DLC1: variants seen among roughly 807,000 people sequenced by gnomAD.
DLC1 encodes the protein rho GTPase-activating protein 7.
Under a neutral mutation model 140.3 loss-of-function variants are expected in DLC1, and 54 were observed. The ratio of observed to expected loss-of-function variants is 0.38; its 90% confidence interval spans 0.31 to 0.48. DLC1 has a LOEUF of 0.48. Ranked by LOEUF, DLC1 falls within the 20% of genes least tolerant of loss-of-function variation. DLC1 has a pLI of 0.96. For missense variants in DLC1, 2,536 were observed against 1,907.0 expected (o/e 1.33, Z -6.14); for synonymous variants, 986 against 728.1 (o/e 1.35, Z -5.70).
At chr8:13,195,444 G>A (rs541048875) in intron 5 of DLC1, among the ~76,000 whole-genome samples, 5 of 152,318 alleles carry the variant, frequency 3.3e-5, no homozygotes, top group African/African-American at 1.2e-4. Flanking sequence ...GAATGATCAA[G>A]TGGAAGCGAG....
chr8:13,215,496 G>C (rs111558493), intron 5 of DLC1, among the ~76,000 whole-genome samples: 12,505 of 152,206 alleles, frequency 0.082, 708 homozygotes, highest in South Asian at 0.16. Flanking sequence ...TGAGGCAGCA[G>C]GATCACTTGA....
intron 4 of DLC1, among the ~76,000 whole-genome samples, chr8:13,368,890 C>T (rs1835609654): frequency 6.6e-6 from 1 of 152,150 alleles, no homozygotes; most frequent in African/African-American, 2.4e-5. Flanking sequence ...GCGGTGTGAT[C>T]TTGGCTCACT....
intron 5 of DLC1, among the ~76,000 whole-genome samples, chr8:13,201,643 C>T (rs1429808134): frequency 6.6e-6 from 1 of 152,020 alleles, no homozygotes. Flanking sequence ...CAATTTGTGT[C>T]ACTGAGATTT....
intron 5 of DLC1, among the ~76,000 whole-genome samples, chr8:13,226,419 T>G (rs997219931): frequency 3.9e-5 from 6 of 152,232 alleles, no homozygotes; most frequent in Non-Finnish European, 2.9e-5. Context: ...ATCTATCCTA[T>G]TGCTTCATTT....
At chr8:13,115,429 G>C (rs1258616896) in intron 6 of DLC1, among the ~76,000 whole-genome samples, 157 bp downstream of exon 6, 3 of 151,798 alleles carry the variant, frequency 2.0e-5, no homozygotes, top group Non-Finnish European at 2.9e-5. Context: ...GCTAGCTTTT[G>C]TTTTCAGCGG....
rs1817312460 is a variant in DLC1, at chr8:13,083,540, GA to G, written c.*2270del. 1 of 152,406 alleles carries G rather than the reference GA, an allele frequency of 6.6e-6. No homozygotes were observed. The highest frequency in any genetic ancestry group is 1.5e-5 in the Non-Finnish European group (1 of 68,048). The allele number at this position is 152,406 out of a possible 1,614,324, so 9.4% of individuals were successfully genotyped here. ...TCTAAGTGACCTCAGCAGAGTTCTT[GA>G]AAATGTTCATATCCTTCAAATTCTT... On this transcript the variant is annotated 3_prime_UTR_variant, in exon 18 of 18. Coordinates refer to ENST00000276297, the MANE Select transcript of DLC1 (RefSeq NM_182643.3).
At chr8:13,198,454 T>G (rs544222726) in intron 5 of DLC1, among the ~76,000 whole-genome samples, 1 of 152,316 alleles carries the variant, frequency 6.6e-6, no homozygotes, top group African/African-American at 2.4e-5. Context: ...TTTTCCCGAG[T>G]GAAAGAATGT....
At chr8:13,272,665 T>C (rs924177978) in intron 5 of DLC1, among the ~76,000 whole-genome samples, 15 of 151,638 alleles carry the variant, frequency 9.9e-5, no homozygotes, top group African/African-American at 3.4e-4. Flanking sequence ...ATCGAGACCA[T>C]CCTGGCTAAC....
chr8:13,520,018 G>A (rs1055189493), intron 1 of DLC1, among the ~76,000 whole-genome samples: 49 of 152,316 alleles, frequency 3.2e-4, no homozygotes, highest in Admixed American at 2.4e-3. Context: ...CTTTTACACC[G>A]TTGGTGGGAG....
chr8:13,162,014 T>C (rs868236918), intron 5 of DLC1, among the ~76,000 whole-genome samples: 2 of 152,218 alleles, frequency 1.3e-5, no homozygotes, highest in Non-Finnish European at 2.9e-5. Flanking sequence ...GTTTGGTATA[T>C]TTCAATCAAC....
At chr8:13,519,721 G>T (rs2117281068), upstream of DLC1, among the ~76,000 whole-genome samples, 1 of 152,048 alleles carries the variant, frequency 6.6e-6, no homozygotes, top group East Asian at 1.9e-4. Context: ...CCACTTCACT[G>T]AAAATTATTA....
At chr8:13,316,803 A>G (rs1172229230) in intron 4 of DLC1, among the ~76,000 whole-genome samples, 1 of 152,078 alleles carries the variant, frequency 6.6e-6, no homozygotes, top group Non-Finnish European at 1.5e-5. Flanking sequence ...CTAACCCCCA[A>G]CTGACTGCAG....
chr8:13,504,220 G>T (rs984064575), intron 1 of DLC1, among the ~76,000 whole-genome samples: 3 of 150,138 alleles, frequency 2.0e-5, no homozygotes, highest in African/African-American at 7.4e-5. Flanking sequence ...TCTGCCTCCT[G>T]GGTTCAAGTG....
intron 1 of DLC1, among the ~76,000 whole-genome samples, chr8:13,524,111 AT>A (rs1802844393): frequency 1.3e-4 from 1 of 7,958 alleles, no homozygotes; most frequent in Non-Finnish European, 2.7e-4. Flanking sequence ...TATTCTATTT[AT>A]TATTATTATT....
chr8:13,397,735 C>CTGAG (rs988046587), intron 3 of DLC1, among the ~76,000 whole-genome samples: 1 of 151,960 alleles, frequency 6.6e-6, no homozygotes, highest in African/African-American at 2.4e-5. Flanking sequence ...ACTCAGGAGG[C>CTGAG]TGAGGCAGGA....
intron 1 of DLC1, among the ~76,000 whole-genome samples, chr8:13,552,506 T>G (rs1048379082): frequency 6.6e-6 from 1 of 151,386 alleles, no homozygotes; most frequent in South Asian, 2.1e-4. Flanking sequence ...TTTAATCTTA[T>G]GATAGAAGTA....
chr8:13,282,686 T>C (rs373195693), intron 5 of DLC1, among the ~76,000 whole-genome samples: 30 of 152,272 alleles, frequency 2.0e-4, no homozygotes, highest in African/African-American at 6.7e-4. Context: ...TTACAGTGTG[T>C]TAGTAAAGAA....
At chr8:13,110,303 G>A (rs750182738) in intron 7 of DLC1, among the ~76,000 whole-genome samples, 21 of 152,116 alleles carry the variant, frequency 1.4e-4, no homozygotes, top group East Asian at 3.9e-4. Flanking sequence ...GCCTTATTTC[G>A]TCCTATCATT....
chr8:13,317,656 T>C (rs1832911754), intron 4 of DLC1, among the ~76,000 whole-genome samples: 1 of 151,410 alleles, frequency 6.6e-6, no homozygotes, highest in Non-Finnish European at 1.5e-5. Context: ...GAATGAGGGG[T>C]AGGGAGGGCC....
Sources: gnomAD v4.1 joint callset for allele counts (sites outside exome capture counted in the v4.1 genomes callset) on GRCh38, gnomAD v4.1.1 for gene constraint, MANE v1.5 for transcripts, NCBI Gene and HGNC (gene_info 2026-07-23, HGNC 2026-07-21) for gene names.